SPOCK3: variants seen among roughly 807,000 people sequenced by gnomAD.
The protein encoded by SPOCK3 is testican-3.
Under a neutral mutation model 56.6 loss-of-function variants are expected in SPOCK3, and 30 were observed. The observed-to-expected ratio is 0.53, with a 90% CI of 0.40 to 0.72. The LOEUF (loss-of-function observed/expected upper bound fraction) is 0.72, where lower values mean the gene tolerates loss of function less well. Among genes scored for constraint, SPOCK3 ranks in the 30% least tolerant of loss-of-function variants. The probability of loss-of-function intolerance (pLI) is 0.00; values close to 1 mark genes in which losing one functional copy is unlikely to be tolerated. For missense variants in SPOCK3, 527 were observed against 530.0 expected (o/e 0.99, Z 0.06); for synonymous variants, 196 against 183.3 (o/e 1.07, Z -0.56).
At chr4:166,958,152 C>A (rs551554840) in intron 4 of SPOCK3, among the ~76,000 whole-genome samples, 2 of 152,094 alleles carry the variant, frequency 1.3e-5, no homozygotes, top group Non-Finnish European at 2.9e-5. Flanking sequence ...TAACACCATC[C>A]GCCTTGATGC....
chr4:166,748,249 T>C (rs988202028), intron 8 of SPOCK3, among the ~76,000 whole-genome samples: 2 of 137,118 alleles, frequency 1.5e-5, no homozygotes, highest in Non-Finnish European at 3.1e-5. Context: ...TACAAGGCTA[T>C]GGTAACCAAA....
chr4:166,762,731 G>A (rs1313251070), intron 7 of SPOCK3, among the ~76,000 whole-genome samples: 1 of 151,998 alleles, frequency 6.6e-6, no homozygotes, highest in Non-Finnish European at 1.5e-5. Context: ...GTCTAGAGAT[G>A]AAACATACAA....
chr4:166,833,877 G>A (rs1000717895), intron 6 of SPOCK3, among the ~76,000 whole-genome samples: 4 of 152,128 alleles, frequency 2.6e-5, no homozygotes, highest in Admixed American at 2.6e-4. Context: ...CCCCCTCTTG[G>A]AGGAAAAGTG....
chr4:166,860,681 C>A (rs1277318568), intron 6 of SPOCK3, among the ~76,000 whole-genome samples: 1 of 151,306 alleles, frequency 6.6e-6, no homozygotes, highest in Non-Finnish European at 1.5e-5. Context: ...CTTCTCAACA[C>A]CACTTATTAC....
At chr4:166,868,873 T>G (rs1732156337) in intron 6 of SPOCK3, among the ~76,000 whole-genome samples, 1 of 152,188 alleles carries the variant, frequency 6.6e-6, no homozygotes, top group Admixed American at 6.6e-5. Context: ...TATTATCTTT[T>G]TTTTCTATGC....
chr4:167,088,196 T>C (rs1758379684), intron 2 of SPOCK3, among the ~76,000 whole-genome samples: 1 of 152,176 alleles, frequency 6.6e-6, no homozygotes, highest in Admixed American at 6.5e-5. Context: ...TCTGGTTACA[T>C]AGAAATTTGT....
At chr4:166,763,596 G>C (rs1737540292) in intron 7 of SPOCK3, among the ~76,000 whole-genome samples, 1 of 152,058 alleles carries the variant, frequency 6.6e-6, no homozygotes, top group Admixed American at 6.6e-5. Flanking sequence ...AAGTACTGTG[G>C]AGTGTACAAC....
chr4:166,769,806 C>G (rs1265145319), intron 7 of SPOCK3, among the ~76,000 whole-genome samples: 1 of 152,172 alleles, frequency 6.6e-6, no homozygotes, highest in African/African-American at 2.4e-5. Context: ...CAGAGGCAGG[C>G]AGGCCTCCTT....
At chr4:167,215,520 G>A (rs9996196) in intron 2 of SPOCK3, among the ~76,000 whole-genome samples, 25,152 of 152,052 alleles carry the variant, frequency 0.17, 2,336 homozygotes, top group African/African-American at 0.24. Context: ...GACAAAGGCC[G>A]CCTTTTCTAG....
chr4:166,873,810 G>C (rs1732762984), intron 6 of SPOCK3, among the ~76,000 whole-genome samples: 1 of 152,032 alleles, frequency 6.6e-6, no homozygotes. Flanking sequence ...TTGGTAGTTG[G>C]GGAAGGGTAT....
At chr4:166,763,908 G>T (rs2126522614) in intron 7 of SPOCK3, among the ~76,000 whole-genome samples, 1 of 152,220 alleles carries the variant, frequency 6.6e-6, no homozygotes, top group South Asian at 2.1e-4. Context: ...GTCCAACAGA[G>T]ATCTCAAAAC....
chr4:166,931,651 C>T (rs1477025819), intron 4 of SPOCK3, among the ~76,000 whole-genome samples: 2 of 152,188 alleles, frequency 1.3e-5, no homozygotes. Flanking sequence ...TATTCTTCAT[C>T]TACCTCCATT....
chr4:167,199,047 A>G (rs560158410), intron 2 of SPOCK3, among the ~76,000 whole-genome samples: 2 of 152,240 alleles, frequency 1.3e-5, no homozygotes, highest in African/African-American at 4.8e-5. Flanking sequence ...CACTATTTGT[A>G]TAGACTCATC....
At chr4:166,834,017 G>A (rs936090562) in intron 6 of SPOCK3, among the ~76,000 whole-genome samples, 3 of 152,168 alleles carry the variant, frequency 2.0e-5, no homozygotes, top group Non-Finnish European at 4.4e-5. Context: ...ATCTTACTCA[G>A]AGCAAAAACG....
chr4:166,804,037 G>A (rs1742894335), intron 6 of SPOCK3, among the ~76,000 whole-genome samples: 1 of 152,102 alleles, frequency 6.6e-6, no homozygotes, highest in Non-Finnish European at 1.5e-5. Context: ...GGGATGAAGG[G>A]GGTTCGAAGA....
chr4:167,109,231 T>C (rs1760590501), intron 2 of SPOCK3, among the ~76,000 whole-genome samples: 2 of 88,220 alleles, frequency 2.3e-5, no homozygotes, highest in African/African-American at 9.2e-5. Flanking sequence ...GTATATAATA[T>C]ATATTTAATA....
At chr4:166,978,296 GA>G (rs1746178909) in intron 4 of SPOCK3, among the ~76,000 whole-genome samples, 1 of 152,058 alleles carries the variant, frequency 6.6e-6, no homozygotes, top group South Asian at 2.1e-4. Context: ...GACAAACTGG[GA>G]AATGGCAAGC....
intron 2 of SPOCK3, among the ~76,000 whole-genome samples, chr4:167,115,120 G>C (rs1243969894): frequency 6.6e-6 from 1 of 152,082 alleles, no homozygotes; most frequent in Non-Finnish European, 1.5e-5. Flanking sequence ...TTCAACCAGA[G>C]AGTGGGAGAC....
chr4:166,867,747 T>C (rs191437449), intron 6 of SPOCK3, among the ~76,000 whole-genome samples: 272 of 151,788 alleles, frequency 1.8e-3, no homozygotes, highest in Non-Finnish European at 3.0e-3. Flanking sequence ...AGTAGGCATA[T>C]AAATTAGGCC....
Sources: allele counts gnomAD v4.1 joint callset (sites outside exome capture counted in the v4.1 genomes callset), GRCh38; gene constraint gnomAD v4.1.1; transcripts MANE v1.5; gene names NCBI Gene and HGNC (gene_info 2026-07-23, HGNC 2026-07-21).